The following NAV2 variants were observed in gnomAD, a reference collection of about 807,000 sequenced individuals.
NAV2 encodes neuron navigator 2.
NAV2 carries 54 observed loss-of-function variants against 223.2 expected under a neutral mutation model. The observed-to-expected ratio is 0.24, with a 90% CI of 0.19 to 0.30. NAV2 has a LOEUF of 0.30. Ranked by LOEUF, NAV2 falls within the 10% of genes least tolerant of loss-of-function variation. The pLI, the probability that NAV2 is intolerant of heterozygous loss-of-function variation, is 1.00. For synonymous variants in NAV2, 1,279 were observed against 1,239.3 expected (o/e 1.03, Z -0.67); for missense variants, 2,806 against 3,147.5 (o/e 0.89, Z 2.60).
chr11:20,048,301 G>C (rs2057660696), intron 14 of NAV2, among the ~76,000 whole-genome samples: 1 of 152,202 alleles, frequency 6.6e-6, no homozygotes, highest in South Asian at 2.1e-4. Context: ...TTAGAGTTGA[G>C]CTGTCATAAA....
At chr11:19,364,943 C>T (rs541456088) in intron 1 of NAV2, among the ~76,000 whole-genome samples, 4 of 152,294 alleles carry the variant, frequency 2.6e-5, no homozygotes, top group South Asian at 2.1e-4. Context: ...GGTTTTCGTT[C>T]GTTCACCTTC....
At chr11:19,846,979 C>T (rs748148142) in intron 3 of NAV2, among the ~76,000 whole-genome samples, 1 of 152,210 alleles carries the variant, frequency 6.6e-6, no homozygotes, top group Non-Finnish European at 1.5e-5. Flanking sequence ...CCCTCTCCCC[C>T]ACCAAATTCA....
At chr11:19,936,026 AT>A (rs11315576) in intron 7 of NAV2, among the ~76,000 whole-genome samples, 53,496 of 139,346 alleles carry the variant, frequency 0.38, 10,046 homozygotes, top group Middle Eastern at 0.47. Context: ...TGCCTGGCTA[AT>A]TTTTTTTTTT....
intron 1 of NAV2, among the ~76,000 whole-genome samples, chr11:19,648,127 GTTA>G (rs1377045517): frequency 6.6e-6 from 1 of 152,014 alleles, no homozygotes; most frequent in Non-Finnish European, 1.5e-5. Flanking sequence ...GTGAAAAGCA[GTTA>G]TTATTAAAAA....
At chr11:19,787,999 C>T (rs548228342) in intron 1 of NAV2, among the ~76,000 whole-genome samples, 2 of 152,294 alleles carry the variant, frequency 1.3e-5, no homozygotes, top group East Asian at 3.9e-4. Flanking sequence ...TTTCTCCATT[C>T]TAAGCAGTGT....
chr11:19,815,326 G>T (rs1011288893), intron 1 of NAV2, among the ~76,000 whole-genome samples: 4 of 152,162 alleles, frequency 2.6e-5, no homozygotes, highest in Non-Finnish European at 5.9e-5. Context: ...CACTACCCAG[G>T]CCAAGCACAA....
intron 1 of NAV2, among the ~76,000 whole-genome samples, chr11:19,822,812 A>G (rs982361911): frequency 8.5e-5 from 13 of 152,204 alleles, no homozygotes. Flanking sequence ...AAAGGCTGGC[A>G]ATACAATTCC....
intron 1 of NAV2, among the ~76,000 whole-genome samples, chr11:19,512,903 A>T (rs757626404): frequency 3.3e-5 from 5 of 152,218 alleles, no homozygotes; most frequent in Non-Finnish European, 7.3e-5. Flanking sequence ...GAGGGATACA[A>T]CCTGTAAAGA....
intron 1 of NAV2, among the ~76,000 whole-genome samples, chr11:19,644,915 T>A (rs2047772747): frequency 6.6e-6 from 1 of 152,256 alleles, no homozygotes; most frequent in Admixed American, 6.5e-5. Context: ...ACCAGTTGCT[T>A]GGTTGTGGTT....
intron 1 of NAV2, among the ~76,000 whole-genome samples, chr11:19,542,151 G>A (rs899778044): frequency 2.6e-5 from 4 of 152,126 alleles, no homozygotes; most frequent in Admixed American, 1.3e-4. Context: ...AGCCACAGAC[G>A]GGGAGCTCAC....
chr11:20,058,648 G>T (rs534362716), intron 19 of NAV2, among the ~76,000 whole-genome samples: 1 of 152,328 alleles, frequency 6.6e-6, no homozygotes, highest in South Asian at 2.1e-4. Flanking sequence ...TTGTATTGCA[G>T]CATGCTTGTG....
chr11:19,778,499 A>G (rs979811738), intron 1 of NAV2: 3 of 260,066 alleles, frequency 1.2e-5, no homozygotes, highest in Non-Finnish European at 2.3e-5. Context: ...GCTACCAAAA[A>G]CAAAAACAAA....
At chr11:19,884,438 G>A in intron 5 of NAV2, 1 of 1,341,082 alleles carries the variant, frequency 7.5e-7, no homozygotes, top group Non-Finnish European at 1.1e-6. Context: ...TGTTCTGGCT[G>A]AGTTTGCCTT....
chr11:19,677,197 A>G (rs1420599164), intron 1 of NAV2, among the ~76,000 whole-genome samples: 1 of 152,240 alleles, frequency 6.6e-6, no homozygotes, highest in South Asian at 2.1e-4. Flanking sequence ...GAGTCTCCCC[A>G]TATGCCTGGC....
rs751546938 is a variant in NAV2, at chr11:20,121,374, A to G, written c.*3116A>G. 3.3e-5 allele frequency: 5 copies of G among 152,590 alleles called. No homozygotes were observed. Among genetic ancestry groups the G allele is most frequent in the Non-Finnish European group, 5.9e-5 (4 of 68,022 alleles). The allele number at this position is 152,590 out of a possible 1,614,324, so 9.5% of individuals were successfully genotyped here. A position where few individuals can be genotyped will look rare whatever the true frequency, so the allele number is the denominator to read the frequency against. On this transcript the variant is annotated 3_prime_UTR_variant, in exon 38 of 38. Coordinates refer to ENST00000349880, the MANE Select transcript of NAV2 (RefSeq NM_145117.5). ...TTTTTCTAGCCATTTTTAAAGAGAAAACTAGGAATTGAGTATTTTGTGTAC... is the reference window on the plus strand; with the variant it reads ...TTTTTCTAGCCATTTTTAAAGAGAAGACTAGGAATTGAGTATTTTGTGTAC...
At chr11:20,035,636 C>G (rs1016629837) in intron 11 of NAV2, among the ~76,000 whole-genome samples, 15 of 152,112 alleles carry the variant, frequency 9.9e-5, no homozygotes, top group African/African-American at 3.6e-4. Context: ...TGCCACTAGG[C>G]CTGGGAAGGA....
intron 6 of NAV2, among the ~76,000 whole-genome samples, chr11:19,896,263 G>T (rs2041976656): frequency 2.0e-5 from 3 of 152,134 alleles, no homozygotes. Flanking sequence ...TACAGCCAAT[G>T]CCTGGAACCT....
intron 1 of NAV2, among the ~76,000 whole-genome samples, chr11:19,771,224 T>A (rs754494896): frequency 4.6e-5 from 7 of 152,180 alleles, no homozygotes; most frequent in Non-Finnish European, 8.8e-5. Context: ...AATATTAATG[T>A]CATTGCTTAC....
At chr11:19,464,616 T>G (rs2133885073) in intron 1 of NAV2, among the ~76,000 whole-genome samples, 1 of 152,366 alleles carries the variant, frequency 6.6e-6, no homozygotes, top group South Asian at 2.1e-4. Flanking sequence ...ATTCCTTGTT[T>G]AGACAGTGGT....
Sources: gnomAD v4.1 joint callset for allele counts (sites outside exome capture counted in the v4.1 genomes callset) on GRCh38, gnomAD v4.1.1 for gene constraint, MANE v1.5 for transcripts, NCBI Gene and HGNC (gene_info 2026-07-23, HGNC 2026-07-21) for gene names.